ATP11A: variants seen among roughly 807,000 people sequenced by gnomAD.
ATP11A encodes phospholipid-transporting ATPase IH.
In ATP11A, 81 loss-of-function variants were observed where a neutral mutation model predicts 154.4. The observed-to-expected ratio is 0.52, with a 90% confidence interval of 0.44 to 0.63. The LOEUF (loss-of-function observed/expected upper bound fraction) is 0.63, where lower values mean the gene tolerates loss of function less well. Among genes scored for constraint, ATP11A ranks in the 30% least tolerant of loss-of-function variants. The pLI is 0.00. For missense variants in ATP11A, 1,316 were observed against 1,474.3 expected, an observed-to-expected ratio of 0.89 and a Z score of 1.76; for synonymous variants, 623 against 585.9, an observed-to-expected ratio of 1.06 and a Z score of -0.91.
intron 4 of ATP11A, among the ~76,000 whole-genome samples, chr13:112,809,431 G>A (rs952550044): frequency 2.6e-5 from 4 of 152,250 alleles, no homozygotes; most frequent in Middle Eastern, 3.4e-3. Flanking sequence ...CACTGATGCC[G>A]CCACGTGGCC....
chr13:112,805,112 G>A, intron 3 of ATP11A, 66 bp downstream of exon 3: 2 of 1,178,138 alleles, frequency 1.7e-6, no homozygotes, highest in South Asian at 1.4e-5. Context: ...TTTATTCTCA[G>A]GTAACTGCCA....
intron 1 of ATP11A, among the ~76,000 whole-genome samples, chr13:112,721,087 G>A (rs1490940161): frequency 2.6e-5 from 4 of 152,204 alleles, no homozygotes; most frequent in African/African-American, 4.8e-5. Context: ...GTTGCTGATC[G>A]GGAAAGGGTG....
At position 112,881,945 on chromosome 13, in the gene ATP11A, G is replaced by A. The variant is rs138949255; in HGVS notation, c.*79G>A. Reference sequence around the variant, plus strand: ...CTCCCACTCTCAGCAGGTGACACTCGCGGCCTGGAAGGAGAAGGTGTCCAC... The same window carrying A: ...CTCCCACTCTCAGCAGGTGACACTCACGGCCTGGAAGGAGAAGGTGTCCAC... On this transcript the variant is annotated 3_prime_UTR_variant, in exon 30 of 30. Transcript: ENST00000375645. The A allele has an allele frequency of 3.4e-4, 464 of 1,367,722 alleles. 5 individuals are homozygous for A. In the South Asian group the frequency reaches 4.9e-3, roughly 14 times the overall value. 84.7% of individuals were successfully genotyped at this position (1,367,722 alleles called of 1,614,324 possible). A position where few individuals can be genotyped will look rare whatever the true frequency, so the allele number is the denominator to read the frequency against.
chr13:112,755,700 AACCATCACTCAG>A (rs2076807252), intron 1 of ATP11A, among the ~76,000 whole-genome samples: 1 of 150,114 alleles, frequency 6.7e-6, no homozygotes, highest in African/African-American at 2.5e-5. Context: ...CCGGTCACGG[AACCATCACTCAG>A]AGCGGCTCCC....
At chr13:112,860,201 C>G in intron 23 of ATP11A, 86 bp from the exon 24 acceptor site, 1 of 1,481,526 alleles carries the variant, frequency 6.7e-7, no homozygotes, top group Non-Finnish European at 9.2e-7. Context: ...CTATGCATTT[C>G]AGAAAGAAAA....
chr13:112,792,382 T>C (rs899416043), intron 2 of ATP11A, among the ~76,000 whole-genome samples: 2 of 152,204 alleles, frequency 1.3e-5, no homozygotes, highest in African/African-American at 2.4e-5. Flanking sequence ...TTTTGGAGAA[T>C]ACATTTGTGA....
At chr13:112,865,883 A>G (rs1368234026) in intron 25 of ATP11A, among the ~76,000 whole-genome samples, 1 of 152,232 alleles carries the variant, frequency 6.6e-6, no homozygotes, top group Admixed American at 6.5e-5. Context: ...TTATCTCTGT[A>G]ACTAACAGTT....
At chr13:112,861,231 C>T (rs1266784985) in intron 24 of ATP11A, among the ~76,000 whole-genome samples, 3 of 152,182 alleles carry the variant, frequency 2.0e-5, no homozygotes, top group Admixed American at 6.5e-5. Context: ...TCCCATGATG[C>T]GTGGGGATCA....
At position 112,785,043 on chromosome 13, in the gene ATP11A, T is replaced by C; in HGVS notation, c.40-92T>C. 1.5e-6 allele frequency: 2 copies of C among 1,352,280 alleles called. No homozygotes were observed. The highest frequency in any genetic ancestry group is 2.0e-5 in the South Asian group (1 of 49,250). The allele number at this position is 1,352,280 out of a possible 1,614,324, so 83.8% of individuals were successfully genotyped here. On this transcript the variant is annotated intron_variant, in intron 1 of 29. Transcript: ENST00000375645. This position sits in a 1 kb window ranked among gnomAD's most constrained non-coding sequence, Gnocchi z 4.8. Reference sequence around the variant, plus strand: ...TCTCAGCAGCAGGTACAGGTCTCCGTTCCGACGAACGTGCCTCAAGGCAAC... The same window carrying C: ...TCTCAGCAGCAGGTACAGGTCTCCGCTCCGACGAACGTGCCTCAAGGCAAC...
chr13:112,880,100 A>AGATCTCAGTGGAGTTCTGT (rs1304210874), intron 29 of ATP11A, among the ~76,000 whole-genome samples: 1 of 152,220 alleles, frequency 6.6e-6, no homozygotes, highest in Non-Finnish European at 1.5e-5. Flanking sequence ...CTGGGCTACA[A>AGATCTCAGTGGAGTTCTGT]GATCTCAGTG....
At chr13:112,866,169 T>C (rs1457921946) in intron 25 of ATP11A, among the ~76,000 whole-genome samples, 3 of 152,192 alleles carry the variant, frequency 2.0e-5, no homozygotes, top group Non-Finnish European at 4.4e-5. Context: ...AACACACATA[T>C]GGTAAGACAA....
intron 1 of ATP11A, among the ~76,000 whole-genome samples, chr13:112,784,823 G>A (rs940583986): frequency 2.0e-5 from 3 of 152,160 alleles, no homozygotes; most frequent in East Asian, 1.9e-4. Context: ...GCGCCCGGCC[G>A]CGTTCTGTTC....
intron 16 of ATP11A, among the ~76,000 whole-genome samples, chr13:112,839,536 G>A (rs1020606226): frequency 6.6e-6 from 1 of 152,168 alleles, no homozygotes; most frequent in African/African-American, 2.4e-5. Context: ...ATGGCAGTAA[G>A]CCCTTCTTGG....
intron 1 of ATP11A, among the ~76,000 whole-genome samples, chr13:112,747,610 C>A (rs929029406): frequency 6.6e-6 from 1 of 152,164 alleles, no homozygotes; most frequent in East Asian, 1.9e-4. Flanking sequence ...CCAAGGCCGG[C>A]GGATCACTTG....
chr13:112,878,162 C>G (rs869881), intron 28 of ATP11A, 55 bp from the exon 29 acceptor site: 65,683 of 1,530,954 alleles, frequency 0.043, 4,756 homozygotes, highest in African/African-American at 0.33. Flanking sequence ...TTGCCTAAAT[C>G]CTCACACCTT....
rs529457366 is a variant in ATP11A at position 112,883,408 on chromosome 13, C to T, written c.*1542C>T. ...CTGCCTTTCAGGAAAGCACCACCAA[C>T]GCTGGAGGAGGAGCCGGCCCTCACG... is the stretch of plus-strand genomic sequence containing the variant. On this transcript the variant is annotated 3_prime_UTR_variant, in exon 30 of 30. Coordinates refer to ENST00000375645, the MANE Select transcript of ATP11A (RefSeq NM_015205.3). 3 of 388,588 alleles carry T rather than the reference C, an allele frequency of 7.7e-6. No homozygotes were observed. The highest frequency in any genetic ancestry group is 2.9e-4 in the South Asian group (2 of 6,948). The allele number at this position is 388,588 out of a possible 1,614,324, so 24.1% of individuals were successfully genotyped here.
chr13:112,724,591 C>T (rs1026770418), intron 1 of ATP11A, among the ~76,000 whole-genome samples: 4 of 151,974 alleles, frequency 2.6e-5, no homozygotes, highest in African/African-American at 9.7e-5. Flanking sequence ...ACACTATTGG[C>T]CAAGAGATTG....
At chr13:112,759,002 A>T (rs2076906999) in intron 1 of ATP11A, among the ~76,000 whole-genome samples, 1 of 152,270 alleles carries the variant, frequency 6.6e-6, no homozygotes, top group Non-Finnish European at 1.5e-5. Flanking sequence ...TTTAATAAAA[A>T]GTTGAGTAAC....
intron 1 of ATP11A, among the ~76,000 whole-genome samples, chr13:112,705,727 T>C (rs2139526172): frequency 6.6e-6 from 1 of 152,360 alleles, no homozygotes; most frequent in Non-Finnish European, 1.5e-5. Context: ...AATGTATGTG[T>C]TGCTTTTCAA....
Sources: gnomAD v4.1 joint callset for allele counts (sites outside exome capture counted in the v4.1 genomes callset) on GRCh38, gnomAD v4.1.1 for gene constraint, Gnocchi (gnomAD v3.1) non-coding constraint, MANE v1.5 for transcripts, NCBI Gene and HGNC (gene_info 2026-07-23, HGNC 2026-07-21) for gene names.